Variants in GRIA1 observed in about 807,000 individuals in gnomAD.
GRIA1 encodes the protein glutamate receptor 1.
GRIA1 carries 31 observed loss-of-function variants against 99.2 expected under a neutral mutation model. The observed-to-expected ratio is 0.31, with a 90% CI of 0.23 to 0.42. The LOEUF is 0.42. Among genes scored for constraint, GRIA1 ranks in the 10% least tolerant of loss-of-function variants. The probability of loss-of-function intolerance (pLI) is 1.00; values close to 1 mark genes in which losing one functional copy is unlikely to be tolerated. For missense variants in GRIA1, 782 were observed against 1,157.5 expected, an observed-to-expected ratio of 0.68 and a Z score of 4.71; for synonymous variants, 438 against 432.4, an observed-to-expected ratio of 1.01 and a Z score of -0.16.
chr5:153,536,248 G>GT (rs1221375920), intron 2 of GRIA1, among the ~76,000 whole-genome samples: 3 of 151,898 alleles, frequency 2.0e-5, no homozygotes, highest in Non-Finnish European at 2.9e-5. Flanking sequence ...AATGCTCTCC[G>GT]TTTTTTTCTT....
chr5:153,638,675 T>C (rs767911657), intron 2 of GRIA1, among the ~76,000 whole-genome samples: 1 of 152,258 alleles, frequency 6.6e-6, no homozygotes, highest in Non-Finnish European at 1.5e-5. Context: ...TTCTGTCTTA[T>C]ATGAGGCACT....
intron 11 of GRIA1, among the ~76,000 whole-genome samples, chr5:153,727,348 C>T (rs907531620): frequency 6.6e-6 from 1 of 152,122 alleles, no homozygotes; most frequent in African/African-American, 2.4e-5. Flanking sequence ...CCCTCTCTCA[C>T]CACTCCTATT....
At chr5:153,727,934 A>C (rs1290356740) in intron 11 of GRIA1, among the ~76,000 whole-genome samples, 1 of 151,608 alleles carries the variant, frequency 6.6e-6, no homozygotes, top group Non-Finnish European at 1.5e-5. Context: ...AGTCAATCCT[A>C]AGCCAAAAGA....
chr5:153,669,920 ATTC>A (rs1756025841), intron 5 of GRIA1, among the ~76,000 whole-genome samples: 1 of 152,162 alleles, frequency 6.6e-6, no homozygotes. Flanking sequence ...ATTATTTGGA[ATTC>A]TTCTGATGAT....
At chr5:153,739,526 C>T (rs370389225) in intron 11 of GRIA1, among the ~76,000 whole-genome samples, 18 of 152,274 alleles carry the variant, frequency 1.2e-4, no homozygotes, top group African/African-American at 2.6e-4. Context: ...CTCCCATCTG[C>T]GCCAGGGTTC....
In GRIA1 at chr5:153,517,089, C is replaced by T. The variant is rs146865194; in HGVS notation, c.220+23024C>T. ...ATCACTTATTTGTAACATCCATTCACGAATACATTGCCCTCAGCCACGCAG... is the reference window on the plus strand; with the variant it reads ...ATCACTTATTTGTAACATCCATTCATGAATACATTGCCCTCAGCCACGCAG... On this transcript the variant is annotated intron_variant, in intron 2 of 15. Coordinates refer to ENST00000285900, the MANE Select transcript of GRIA1 (RefSeq NM_000827.4). 3.2e-3 allele frequency among the ~76,000 whole-genome samples: 489 copies of T among 152,252 alleles called. 2 individuals carry two copies. Among genetic ancestry groups the T allele is most frequent in the Admixed American group, 5.0e-3 (76 of 15,296 alleles).
intron 11 of GRIA1, among the ~76,000 whole-genome samples, chr5:153,723,519 A>C (rs902899678): frequency 6.6e-6 from 1 of 152,222 alleles, no homozygotes; most frequent in African/African-American, 2.4e-5. Context: ...TGGCACCTGG[A>C]AAATCAGGTC....
intron 2 of GRIA1, among the ~76,000 whole-genome samples, chr5:153,568,025 T>G (rs1761803971): frequency 1.3e-5 from 2 of 152,176 alleles, no homozygotes; most frequent in Admixed American, 1.3e-4. Flanking sequence ...ATTTTGAGTT[T>G]TTGTGGGTTT....
In GRIA1 at chr5:153,589,036, G is replaced by A. The variant is rs150895042; in HGVS notation, c.221-57892G>A. On this transcript the variant is annotated intron_variant, in intron 2 of 15. Coordinates refer to ENST00000285900, the MANE Select transcript of GRIA1 (RefSeq NM_000827.4). Reference sequence around the variant, plus strand: ...CAATTTTTATATTATTCTAAGTGAGGGAAAAAAGAGAAACGAATCAAAATA... The same window carrying A: ...CAATTTTTATATTATTCTAAGTGAGAGAAAAAAGAGAAACGAATCAAAATA... Among the ~76,000 whole-genome samples the A allele has an allele frequency of 3.4e-3, 522 of 152,002 alleles. 2 individuals carry two copies. Among genetic ancestry groups the A allele is most frequent in the African/African-American group, 0.012 (484 of 41,452 alleles).
At chr5:153,565,930 G>A (rs1761571023) in intron 2 of GRIA1, among the ~76,000 whole-genome samples, 1 of 152,088 alleles carries the variant, frequency 6.6e-6, no homozygotes, top group African/African-American at 2.4e-5. Context: ...ATGCTGCTAT[G>A]GAAATTCTTT....
intron 13 of GRIA1, among the ~76,000 whole-genome samples, chr5:153,787,324 A>G (rs2926869): frequency 0.61 from 93,145 of 151,934 alleles, 29,479 homozygotes; most frequent in East Asian, 0.94. Context: ...GTGGCTGAAT[A>G]TCAGGGCTCA....
intron 2 of GRIA1, among the ~76,000 whole-genome samples, chr5:153,516,549 C>T (rs1756647611): frequency 6.6e-6 from 1 of 152,132 alleles, no homozygotes; most frequent in Admixed American, 6.5e-5. Context: ...TTTGAGTCCC[C>T]TGTACACTGA....
intron 2 of GRIA1, among the ~76,000 whole-genome samples, chr5:153,573,047 G>A (rs1003473303): frequency 3.3e-5 from 5 of 152,132 alleles, no homozygotes; most frequent in Admixed American, 2.0e-4. Context: ...GCAAAATAGG[G>A]CCACGTTGAG....
chr5:153,641,281 G>A (rs1429617917), intron 2 of GRIA1, among the ~76,000 whole-genome samples: 1 of 152,092 alleles, frequency 6.6e-6, no homozygotes, highest in Non-Finnish European at 1.5e-5. Flanking sequence ...GGCCTTAAAT[G>A]AAGTGACAAT....
intron 5 of GRIA1, among the ~76,000 whole-genome samples, chr5:153,667,504 C>G (rs1181783712): frequency 6.6e-6 from 1 of 152,166 alleles, no homozygotes; most frequent in Admixed American, 6.5e-5. Context: ...CTCTTTTGAC[C>G]CAATGATAAT....
chr5:153,659,025 A>G (rs1478373254), intron 5 of GRIA1, among the ~76,000 whole-genome samples: 3 of 151,968 alleles, frequency 2.0e-5, no homozygotes, highest in Non-Finnish European at 4.4e-5. Context: ...TTTTGTCCAG[A>G]TGCCCCTTTT....
intron 10 of GRIA1, among the ~76,000 whole-genome samples, chr5:153,704,545 G>C (rs1305455600): frequency 6.6e-6 from 1 of 152,190 alleles, no homozygotes; most frequent in Non-Finnish European, 1.5e-5. Context: ...ATGTTTATCT[G>C]CATGCTGGAT....
At chr5:153,793,279 C>T (rs1765424758) in intron 13 of GRIA1, among the ~76,000 whole-genome samples, 1 of 152,192 alleles carries the variant, frequency 6.6e-6, no homozygotes, top group South Asian at 2.1e-4. Flanking sequence ...AGGGTCAGGC[C>T]ATGGGGAGCA....
intron 2 of GRIA1, among the ~76,000 whole-genome samples, chr5:153,500,325 T>G (rs1176344000): frequency 6.6e-6 from 1 of 152,164 alleles, no homozygotes; most frequent in Non-Finnish European, 1.5e-5. Flanking sequence ...TCTATGGGGA[T>G]ATGTACTGTC....
Sources: allele counts gnomAD v4.1 joint callset (sites outside exome capture counted in the v4.1 genomes callset), GRCh38; gene constraint gnomAD v4.1.1; transcripts MANE v1.5; gene names NCBI Gene and HGNC (gene_info 2026-07-23, HGNC 2026-07-21).